The following SIL1 variants were observed in gnomAD, a reference collection of about 807,000 sequenced individuals.
SIL1 encodes the protein nucleotide exchange factor SIL1.
SIL1 carries 40 observed loss-of-function variants against 49.1 expected under a neutral mutation model. That is an observed-to-expected ratio of 0.81 (90% CI 0.63 to 1.06). The LOEUF (loss-of-function observed/expected upper bound fraction) is 1.06, where lower values mean the gene tolerates loss of function less well. Ranked by LOEUF, SIL1 falls within the 50% of genes least tolerant of loss-of-function variation. SIL1 has a pLI of 0.00. For synonymous variants in SIL1, 253 were observed against 250.8 expected, an observed-to-expected ratio of 1.01 and a Z score of -0.08; for missense variants, 500 against 572.6, an observed-to-expected ratio of 0.87 and a Z score of 1.29.
chr5:138,955,416 G>GTAAAT (rs1766881003), intron 7 of SIL1, among the ~76,000 whole-genome samples: 1 of 152,208 alleles, frequency 6.6e-6, no homozygotes, highest in South Asian at 2.1e-4. Flanking sequence ...AGGGAGATGG[G>GTAAAT]CTGGGGGTGG....
chr5:139,197,066 C>T (rs941141116), intron 1 of SIL1, among the ~76,000 whole-genome samples: 13 of 151,944 alleles, frequency 8.6e-5, no homozygotes, highest in African/African-American at 2.7e-4. Context: ...GTCAGGAGTT[C>T]GAGACCAGCC....
rs1768230861 is a variant in SIL1, at chr5:139,010,480, A to G, written c.767+10691T>C. Among the ~76,000 whole-genome samples, 3 of 152,082 alleles carry G rather than the reference A, an allele frequency of 2.0e-5. No individual in the cohort carries two copies. The South Asian group carries it at 6.2e-4, about 31-fold the overall frequency. ...TCTCAGCTCGTCAAAGTCATTCTCC[A>G]TCCAGCTTTGTTCCGTTGCTGGTGA... is the stretch of plus-strand genomic sequence containing the variant. On this transcript the variant is annotated intron_variant, in intron 7 of 9. Transcript: ENST00000394817.
chr5:139,164,074 G>A (rs557552375), intron 1 of SIL1, among the ~76,000 whole-genome samples: 11 of 148,294 alleles, frequency 7.4e-5, no homozygotes, highest in Admixed American at 3.4e-4. Context: ...AGACAAGATC[G>A]TGCCACTGCA....
chr5:139,193,247 C>T (rs888336951), intron 1 of SIL1, among the ~76,000 whole-genome samples: 1 of 152,150 alleles, frequency 6.6e-6, no homozygotes, highest in African/African-American at 2.4e-5. Flanking sequence ...AACAGATACA[C>T]AGTACATCTG....
Position 139,153,384 on chromosome 5 carries a change from G to A in SIL1, c.-10-25531C>T, listed in dbSNP as rs899428438. On this transcript the variant is annotated intron_variant, in intron 1 of 9. Coordinates refer to ENST00000394817, the MANE Select transcript of SIL1 (RefSeq NM_022464.5). The stretch of plus-strand genomic sequence containing the variant: ...CATTATTATACTTTCTTATATAGTT[G>A]TCCTTCTCCCCTTCCAGACCTTAAC... Among the ~76,000 whole-genome samples, 4 of 152,258 alleles carry A rather than the reference G, an allele frequency of 2.6e-5. No individual in the cohort carries two copies. The South Asian group carries it at 8.3e-4, about 32-fold the overall frequency.
intron 1 of SIL1, among the ~76,000 whole-genome samples, chr5:139,191,221 CAAAAAAAAAAAAAAAA>C (rs773259762): frequency 1.5e-5 from 1 of 67,900 alleles, no homozygotes; most frequent in East Asian, 6.2e-4. Flanking sequence ...GACTCTGTCT[CAAAAAAAAAAAAAAAA>C]AAAAAAAAGC....
chr5:139,190,110 T>C (rs1752141106), intron 1 of SIL1, among the ~76,000 whole-genome samples: 1 of 152,254 alleles, frequency 6.6e-6, no homozygotes, highest in Admixed American at 6.5e-5. Flanking sequence ...AACTAGTAAG[T>C]AGATATCAGA....
intron 7 of SIL1, among the ~76,000 whole-genome samples, chr5:138,990,823 C>A (rs558184601): frequency 5.9e-4 from 90 of 152,352 alleles, no homozygotes; most frequent in African/African-American, 2.1e-3. Context: ...TCAAGCGATT[C>A]TCCTGCCTTA....
At chr5:139,046,138 C>T (rs902871805) in intron 4 of SIL1, among the ~76,000 whole-genome samples, 2 of 152,170 alleles carry the variant, frequency 1.3e-5, no homozygotes, top group African/African-American at 4.8e-5. Flanking sequence ...ACCAGCCTGG[C>T]CAACATGGTG....
intron 1 of SIL1, among the ~76,000 whole-genome samples, chr5:139,166,710 T>C (rs1429753296): frequency 2.0e-5 from 3 of 152,304 alleles, no homozygotes; most frequent in East Asian, 3.9e-4. Flanking sequence ...GGTGGCATGA[T>C]AGCAGCTCAC....
At position 139,056,555 on chromosome 5, in the gene SIL1, C is replaced by T. The variant is rs1342470999; in HGVS notation, c.245-5509G>A. Among the ~76,000 whole-genome samples, 9 of 148,998 alleles carry T rather than the reference C, an allele frequency of 6.0e-5. No individual in the cohort carries two copies. The South Asian group carries it at 8.5e-4, about 14-fold the overall frequency. ...CCGTCCGGGAGGGAGGTGGGGGGGTCAGCCCCCCGACCGGCCAGCCGCCCC... is the reference window on the plus strand; with the variant it reads ...CCGTCCGGGAGGGAGGTGGGGGGGTTAGCCCCCCGACCGGCCAGCCGCCCC... On this transcript the variant is annotated intron_variant, in intron 3 of 9. Transcript: ENST00000394817.
intron 1 of SIL1, among the ~76,000 whole-genome samples, chr5:139,153,855 C>G (rs1259493567): frequency 6.6e-6 from 1 of 152,218 alleles, no homozygotes; most frequent in East Asian, 1.9e-4. Flanking sequence ...CAGTGCTCCT[C>G]TTTCCACAGT....
At chr5:139,097,975 T>C (rs1327686420) in intron 3 of SIL1, among the ~76,000 whole-genome samples, 1 of 152,226 alleles carries the variant, frequency 6.6e-6, no homozygotes, top group African/African-American at 2.4e-5. Flanking sequence ...AGATTCCATG[T>C]CCATGGATTG....
chr5:138,979,708 AGAG>A (rs1212142742), intron 7 of SIL1, among the ~76,000 whole-genome samples: 1 of 152,136 alleles, frequency 6.6e-6, no homozygotes. Context: ...TTTTAGGGCC[AGAG>A]GAGATGAGTG....
At chr5:138,955,201 T>G (rs1342963049) in intron 7 of SIL1, among the ~76,000 whole-genome samples, 1 of 152,214 alleles carries the variant, frequency 6.6e-6, no homozygotes, top group Non-Finnish European at 1.5e-5. Flanking sequence ...TCAGTGGCGC[T>G]GGTGTGCTCA....
intron 5 of SIL1, among the ~76,000 whole-genome samples, chr5:139,029,913 A>T (rs1768749450): frequency 6.6e-6 from 1 of 151,306 alleles, no homozygotes; most frequent in Non-Finnish European, 1.5e-5. Context: ...GGAGGGTGAG[A>T]CTGCAGTGAG....
At chr5:139,108,381 G>C (rs1397607631) in intron 3 of SIL1, among the ~76,000 whole-genome samples, 1 of 152,176 alleles carries the variant, frequency 6.6e-6, no homozygotes, top group South Asian at 2.1e-4. Context: ...AGGGGAAAAA[G>C]CTCCTGGGAT....
At chr5:138,958,886 G>T (rs898782957) in intron 7 of SIL1, among the ~76,000 whole-genome samples, 1 of 152,126 alleles carries the variant, frequency 6.6e-6, no homozygotes, top group African/African-American at 2.4e-5. Flanking sequence ...CCTAAAAGAA[G>T]AGGTTTTCCT....
chr5:139,174,504 C>A (rs1751838763), intron 1 of SIL1, among the ~76,000 whole-genome samples: 1 of 151,722 alleles, frequency 6.6e-6, no homozygotes, highest in African/African-American at 2.4e-5. Context: ...AGAGAGAGGA[C>A]TCAAATTACT....
Sources: gnomAD v4.1 joint callset for allele counts (sites outside exome capture counted in the v4.1 genomes callset) on GRCh38, gnomAD v4.1.1 for gene constraint, MANE v1.5 for transcripts, NCBI Gene and HGNC (gene_info 2026-07-23, HGNC 2026-07-21) for gene names.